FMNL2: variants seen among roughly 807,000 people sequenced by gnomAD.
FMNL2 encodes formin-like protein 2.
Under a neutral mutation model 130.2 loss-of-function variants are expected in FMNL2, and 51 were observed. That is an observed-to-expected ratio of 0.39 (90% CI 0.31 to 0.49). The LOEUF is 0.49. Among genes scored for constraint, FMNL2 ranks in the 20% least tolerant of loss-of-function variants. The pLI, the probability that FMNL2 is intolerant of heterozygous loss-of-function variation, is 0.85. For synonymous variants in FMNL2, 465 were observed against 467.1 expected (o/e 1.00, Z 0.06); for missense variants, 977 against 1,316.2 (o/e 0.74, Z 3.99).
chr2:152,346,362 C>G (rs553769661), intron 1 of FMNL2, among the ~76,000 whole-genome samples: 1 of 152,240 alleles, frequency 6.6e-6, no homozygotes, highest in African/African-American at 2.4e-5. Context: ...ATCAGAAGTT[C>G]TGGCAGGGTG....
At chr2:152,621,926 C>T (rs1051136131) in intron 15 of FMNL2, among the ~76,000 whole-genome samples, 1 of 152,164 alleles carries the variant, frequency 6.6e-6, no homozygotes, top group African/African-American at 2.4e-5. Context: ...CCACAGGCAA[C>T]ACGAGGGTCT....
At position 152,376,659 on chromosome 2, in the gene FMNL2, C is replaced by T. The variant is rs146561098; in HGVS notation, c.117+40939C>T. Among the ~76,000 whole-genome samples, 62 of 152,214 alleles carry T rather than the reference C, an allele frequency of 4.1e-4. No individual in the cohort carries two copies. In the East Asian group the frequency reaches 0.011, roughly 26 times the overall value. The stretch of plus-strand genomic sequence containing the variant: ...ACTGAAAATTGTGACCTCCTCCAGA[C>T]ACCAGTGGTGAGGATTAATTAGTAA... On this transcript the variant is annotated intron_variant, in intron 1 of 25. Transcript: ENST00000288670.
intron 9 of FMNL2, among the ~76,000 whole-genome samples, chr2:152,587,023 T>C (rs1447758017): frequency 6.6e-6 from 1 of 152,170 alleles, no homozygotes; most frequent in Non-Finnish European, 1.5e-5. Flanking sequence ...GTTTTTGAGC[T>C]ATGATACCTC....
chr2:152,575,744 T>C (rs959541162), intron 7 of FMNL2, among the ~76,000 whole-genome samples: 1 of 152,200 alleles, frequency 6.6e-6, no homozygotes, highest in Non-Finnish European at 1.5e-5. Flanking sequence ...GAAACAACTC[T>C]AGAACACCAG....
intron 9 of FMNL2, among the ~76,000 whole-genome samples, chr2:152,583,925 G>A (rs1353944448): frequency 2.6e-5 from 4 of 152,188 alleles, no homozygotes; most frequent in Admixed American, 2.6e-4. Flanking sequence ...TAATAGCCAT[G>A]GGAATGAAGA....
intron 2 of FMNL2, among the ~76,000 whole-genome samples, chr2:152,535,676 G>A (rs1367410715): frequency 6.6e-6 from 1 of 152,166 alleles, no homozygotes; most frequent in Non-Finnish European, 1.5e-5. Flanking sequence ...AGAGGCAGGG[G>A]CTTGTTTAGC....
intron 1 of FMNL2, among the ~76,000 whole-genome samples, chr2:152,453,381 A>G (rs1688763580): frequency 2.0e-5 from 3 of 152,112 alleles, no homozygotes; most frequent in African/African-American, 4.8e-5. Flanking sequence ...TTTCTGTGTC[A>G]TGTTTGAACT....
chr2:152,569,654 C>T (rs1696058288), intron 6 of FMNL2, among the ~76,000 whole-genome samples: 1 of 137,348 alleles, frequency 7.3e-6, no homozygotes, highest in South Asian at 2.3e-4. Context: ...GCACTTCAGC[C>T]TAGGTGACAA....
chr2:152,484,149 TC>T (rs1247427032), intron 1 of FMNL2, among the ~76,000 whole-genome samples: 3 of 152,180 alleles, frequency 2.0e-5, no homozygotes, highest in Non-Finnish European at 4.4e-5. Context: ...CTTTCCTCCC[TC>T]CCATGCTGAA....
At chr2:152,360,295 TTTTTCCTCTCTTTTTCTTTCTTC>T (rs1393332366) in intron 1 of FMNL2, among the ~76,000 whole-genome samples, 6 of 152,120 alleles carry the variant, frequency 3.9e-5, no homozygotes, top group African/African-American at 1.4e-4. Context: ...TTCTTTTTCT[TTTTTCCTCTCTTTTTCTTTCTTC>T]TTTTCCTCTT....
intron 2 of FMNL2, among the ~76,000 whole-genome samples, chr2:152,533,642 A>G (rs1441516724): frequency 1.3e-5 from 2 of 150,390 alleles, no homozygotes; most frequent in African/African-American, 2.4e-5. Context: ...AGTTTCTAAG[A>G]AAAAAAAACC....
chr2:152,615,496 A>G (rs565081512), intron 12 of FMNL2, among the ~76,000 whole-genome samples: 6 of 152,328 alleles, frequency 3.9e-5, no homozygotes, highest in African/African-American at 1.2e-4. Flanking sequence ...TTTCAAGGAC[A>G]TCGGTGTGCT....
chr2:152,509,058 T>C (rs1692340418), intron 1 of FMNL2, among the ~76,000 whole-genome samples: 1 of 152,228 alleles, frequency 6.6e-6, no homozygotes, highest in African/African-American at 2.4e-5. Context: ...CCATGCTTCC[T>C]TGTTTTAGGC....
At chr2:152,389,670 C>T (rs914821922) in intron 1 of FMNL2, among the ~76,000 whole-genome samples, 10 of 152,200 alleles carry the variant, frequency 6.6e-5, no homozygotes, top group Non-Finnish European at 8.8e-5. Context: ...GGATCCGAGC[C>T]GGCGCGATGG....
chr2:152,485,426 A>G (rs181028483), intron 1 of FMNL2, among the ~76,000 whole-genome samples: 6 of 152,216 alleles, frequency 3.9e-5, no homozygotes, highest in Non-Finnish European at 7.4e-5. Context: ...GGTGGTGCAC[A>G]CCTGTGGTCC....
intron 9 of FMNL2, among the ~76,000 whole-genome samples, chr2:152,589,940 C>CATATATATATATATATATATATATAT (rs771625998): frequency 1.5e-5 from 1 of 67,040 alleles, no homozygotes; most frequent in African/African-American, 5.8e-5. Context: ...TGGCTTTATA[C>CATATATATATATATATATATATATAT]ATATATATAT....
intron 1 of FMNL2, chr2:152,389,812 G>C (rs1413582284): frequency 3.6e-5 from 47 of 1,309,936 alleles, no homozygotes; most frequent in Non-Finnish European, 4.8e-5. Flanking sequence ...TTTCACTGCA[G>C]GAGAAGAGGG....
At chr2:152,588,456 C>T (rs1197072082) in intron 9 of FMNL2, among the ~76,000 whole-genome samples, 1 of 151,956 alleles carries the variant, frequency 6.6e-6, no homozygotes, top group Admixed American at 6.6e-5. Context: ...CATACCTTTG[C>T]AGATATCATC....
At chr2:152,346,487 TA>T (rs1560283902) in intron 1 of FMNL2, among the ~76,000 whole-genome samples, 1 of 150,740 alleles carries the variant, frequency 6.6e-6, no homozygotes, top group African/African-American at 2.4e-5. Context: ...CTGTGAAAAT[TA>T]AAAAAAGAAA....
Sources: gnomAD v4.1 joint callset for allele counts (sites outside exome capture counted in the v4.1 genomes callset) on GRCh38, gnomAD v4.1.1 for gene constraint, MANE v1.5 for transcripts, NCBI Gene and HGNC (gene_info 2026-07-23, HGNC 2026-07-21) for gene names.